Variants in PIAS1 observed in about 807,000 individuals in gnomAD.
The protein encoded by PIAS1 is E3 SUMO-protein ligase PIAS1.
In PIAS1, 6 loss-of-function variants were observed where a neutral mutation model predicts 71.3. That is an observed-to-expected ratio of 0.08 (90% CI 0.05 to 0.17). The LOEUF is 0.17. Ranked by LOEUF, PIAS1 falls within the 10% of genes least tolerant of loss-of-function variation. The pLI, the probability that PIAS1 is intolerant of heterozygous loss-of-function variation, is 1.00. For synonymous variants in PIAS1, 303 were observed against 292.9 expected (o/e 1.03, Z -0.35); for missense variants, 555 against 793.6 (o/e 0.70, Z 3.61).
At chr15:68,103,634 T>C (rs1358632046) in intron 2 of PIAS1, among the ~76,000 whole-genome samples, 3 of 152,180 alleles carry the variant, frequency 2.0e-5, no homozygotes, top group African/African-American at 7.2e-5. Flanking sequence ...TCCCATCCCC[T>C]GAAACTACTA....
At chr15:68,153,763 C>T (rs772891334) in intron 7 of PIAS1, 68 bp downstream of exon 7, 1 of 815,290 alleles carries the variant, frequency 1.2e-6, no homozygotes, top group East Asian at 2.5e-5. Flanking sequence ...ATTTTCTCAA[C>T]TCAAGAAATT....
At chr15:68,092,090 G>T (rs781379418) in intron 2 of PIAS1, among the ~76,000 whole-genome samples, 1 of 152,120 alleles carries the variant, frequency 6.6e-6, no homozygotes, top group Non-Finnish European at 1.5e-5. Flanking sequence ...ATCTGAATAA[G>T]TTCACATCAT....
intron 2 of PIAS1, among the ~76,000 whole-genome samples, chr15:68,138,814 C>T (rs1040803969): frequency 2.6e-5 from 4 of 152,068 alleles, no homozygotes; most frequent in Non-Finnish European, 5.9e-5. Flanking sequence ...ACCTGGGGTA[C>T]GTCTGGAGGA....
At chr15:68,102,810 A>G (rs2092439193) in intron 2 of PIAS1, among the ~76,000 whole-genome samples, 1 of 152,090 alleles carries the variant, frequency 6.6e-6, no homozygotes, top group African/African-American at 2.4e-5. Flanking sequence ...AAACAGGGAC[A>G]GTTTTTATTT....
In PIAS1 at chr15:68,145,812, T is replaced by TG; in HGVS notation, c.603-4_603-3insG. The TG allele has an allele frequency of 2.6e-6, 4 of 1,565,474 alleles. No individual in the cohort carries two copies. The highest frequency in any genetic ancestry group is 3.5e-6 in the Non-Finnish European group (4 of 1,136,236). ...GGAAATTAAACTTGTCCTTTATTGT[T>TG]TAGGTTTTGTTTATCAGAAACCAGT... On this transcript the variant is annotated splice_region_variant and splice_polypyrimidine_tract_variant and intron_variant, in intron 4 of 13. Transcript: ENST00000249636.
At chr15:68,169,285 C>T in intron 8 of PIAS1, among the ~76,000 whole-genome samples, 1 of 152,218 alleles carries the variant, frequency 6.6e-6, no homozygotes, top group South Asian at 2.1e-4. Flanking sequence ...TGTTTCTGAA[C>T]TAATGCAACA....
rs10667510 is a variant in PIAS1 at position 68,090,927 on chromosome 15, GGTGT to G, written c.469+4210_469+4213del. Among the ~76,000 whole-genome samples, 361 of 142,844 alleles carry G rather than the reference GGTGT, an allele frequency of 2.5e-3. 1 individual carries two copies. Among genetic ancestry groups the G allele is most frequent in the African/African-American group, 5.6e-3 (215 of 38,324 alleles). 93.7% of individuals were successfully genotyped at this position (142,844 alleles called of 152,430 possible). On this transcript the variant is annotated intron_variant, in intron 2 of 13. Coordinates refer to ENST00000249636, the MANE Select transcript of PIAS1 (RefSeq NM_016166.3). The stretch of plus-strand genomic sequence containing the variant: ...GTATTCTTTTTGTTAGTCATTTACG[GGTGT>G]GTGTGTGTGTGTGTGTGTGTGTGTG...
Position 68,134,506 on chromosome 15 carries a change from G to A in PIAS1, c.470-7440G>A, listed in dbSNP as rs1357006534. Among the ~76,000 whole-genome samples, 74 of 37,754 alleles carry A rather than the reference G, an allele frequency of 2.0e-3. 12 individuals carry two copies. Among genetic ancestry groups the A allele is most frequent in the African/African-American group, 4.0e-3 (73 of 18,084 alleles). 24.8% of individuals were successfully genotyped at this position (37,754 alleles called of 152,430 possible). On this transcript the variant is annotated intron_variant, in intron 2 of 13. Transcript: ENST00000249636. ...GGGCGGGGGGCTGACCCCCCCCACT[G>A]CCCTCCCGGACGGGGCGGCTGGCCG...
rs573071101 is a variant in PIAS1 at position 68,071,222 on chromosome 15, C to T, written c.25-15084C>T. Among the ~76,000 whole-genome samples, 531 of 139,886 alleles carry T rather than the reference C, an allele frequency of 3.8e-3. 2 individuals are homozygous for T. The highest frequency in any genetic ancestry group is 0.013 in the African/African-American group (492 of 37,922). The allele number at this position is 139,886 out of a possible 152,430, so 91.8% of individuals were successfully genotyped here. On this transcript the variant is annotated intron_variant, in intron 1 of 13. Transcript: ENST00000249636. ...TTCACCCCCGCCCCCCCGCCCCTACCTCCCTTCCCTCCATGGAGTGGCTAA... is the reference window on the plus strand; with the variant it reads ...TTCACCCCCGCCCCCCCGCCCCTACTTCCCTTCCCTCCATGGAGTGGCTAA...
intron 11 of PIAS1, among the ~76,000 whole-genome samples, chr15:68,180,017 G>T (rs1358001906): frequency 6.6e-6 from 1 of 152,104 alleles, no homozygotes; most frequent in African/African-American, 2.4e-5. Context: ...TCAGCCTCTT[G>T]TATTGTTGGG....
At position 68,193,233 on chromosome 15, in the gene PIAS1, T is replaced by C. The variant is rs2093128455; in HGVS notation, c.*5398T>C. 1 of 152,336 alleles carries C rather than the reference T, an allele frequency of 6.6e-6. No individual in the cohort carries two copies. Among genetic ancestry groups the C allele is most frequent in the Non-Finnish European group, 1.5e-5 (1 of 68,146 alleles). 9.4% of individuals were successfully genotyped at this position (152,336 alleles called of 1,614,324 possible). ...ATTCTCACAGCATTGGAAGCCCCCT[T>C]CTTGAGCTCTGCAAGGCCAGTCAAT... On this transcript the variant is annotated 3_prime_UTR_variant, in exon 14 of 14. Coordinates refer to ENST00000249636, the MANE Select transcript of PIAS1 (RefSeq NM_016166.3).
chr15:68,146,777 GTAA>G, intron 6 of PIAS1, 77 bp downstream of exon 6: 1 of 983,946 alleles, frequency 1.0e-6, no homozygotes, highest in Non-Finnish European at 1.5e-6. Context: ...GAATTTATAT[GTAA>G]ATTATGTAAA....
chr15:68,134,882 C>T (rs1181824271), intron 2 of PIAS1, among the ~76,000 whole-genome samples: 6 of 51,662 alleles, frequency 1.2e-4, no homozygotes, highest in East Asian at 9.7e-4. Flanking sequence ...GGCGGCTGGC[C>T]GGGCAGAGGG....
At chr15:68,099,674 G>A (rs568703910) in intron 2 of PIAS1, among the ~76,000 whole-genome samples, 2 of 151,160 alleles carry the variant, frequency 1.3e-5, no homozygotes, top group Admixed American at 6.6e-5. Flanking sequence ...GGGTTTTTGG[G>A]GGTTTTTTTT....
At chr15:68,107,042 CACTG>C (rs1171998398) in intron 2 of PIAS1, among the ~76,000 whole-genome samples, 1 of 152,124 alleles carries the variant, frequency 6.6e-6, no homozygotes, top group Non-Finnish European at 1.5e-5. Flanking sequence ...TACAAAGAAA[CACTG>C]ACCTAGAGAA....
intron 2 of PIAS1, among the ~76,000 whole-genome samples, chr15:68,117,429 T>C (rs1193352512): frequency 6.6e-6 from 1 of 152,192 alleles, no homozygotes; most frequent in Non-Finnish European, 1.5e-5. Flanking sequence ...TTGTTAACTC[T>C]AGTTATGCTA....
At position 68,173,640 on chromosome 15, in the gene PIAS1, C is replaced by A; in HGVS notation, c.1009-92C>A. 1.3e-6 allele frequency: 1 copy of A among 744,174 alleles called. No homozygotes were observed. The highest frequency in any genetic ancestry group is 2.1e-6 in the Non-Finnish European group (1 of 487,548). The allele number at this position is 744,174 out of a possible 1,614,324, so 46.1% of individuals were successfully genotyped here. A position where few individuals can be genotyped will look rare whatever the true frequency, so the allele number is the denominator to read the frequency against. ...GTCAACACTGTATGCTTTAAATCAGCATGCCTACCTGTTGTGTTCTAGGAA... is the reference window on the plus strand; with the variant it reads ...GTCAACACTGTATGCTTTAAATCAGAATGCCTACCTGTTGTGTTCTAGGAA... On this transcript the variant is annotated intron_variant, in intron 8 of 13. Transcript: ENST00000249636. The surrounding 1 kb of genome is among the most constrained non-coding windows in gnomAD (Gnocchi z 4.3).
chr15:68,153,698 A>G lies in PIAS1; in HGVS notation c.934+3A>G. On this transcript the variant is annotated splice_donor_region_variant and intron_variant, in intron 7 of 13. Transcript: ENST00000249636. ...TCCGGATCATTCTAGAGCTTTAAGTACGTATGATAAACTTATTTCACTTAT... is the reference window on the plus strand; with the variant it reads ...TCCGGATCATTCTAGAGCTTTAAGTGCGTATGATAAACTTATTTCACTTAT... 7.3e-7 allele frequency: 1 copy of G among 1,377,368 alleles called. No homozygotes were observed. Among genetic ancestry groups the G allele is most frequent in the Non-Finnish European group, 1.0e-6 (1 of 965,424 alleles). The allele number at this position is 1,377,368 out of a possible 1,614,324, so 85.3% of individuals were successfully genotyped here. A position where few individuals can be genotyped will look rare whatever the true frequency, so the allele number is the denominator to read the frequency against.
rs1381066505 is a variant in PIAS1, at chr15:68,191,473, C to G, written c.*3638C>G. On this transcript the variant is annotated 3_prime_UTR_variant, in exon 14 of 14. Transcript: ENST00000249636. ...GAAAAGCCTTCAGTTAATTTGTCTT[C>G]TGTAAAATAACACTGCTGGATGTTC... The G allele has an allele frequency of 6.6e-6, 1 of 152,630 alleles. No homozygotes were observed. The highest frequency in any genetic ancestry group is 1.5e-5 in the Non-Finnish European group (1 of 68,028). The allele number at this position is 152,630 out of a possible 1,614,324, so 9.5% of individuals were successfully genotyped here. A position where few individuals can be genotyped will look rare whatever the true frequency, so the allele number is the denominator to read the frequency against.
Sources: allele counts gnomAD v4.1 joint callset (sites outside exome capture counted in the v4.1 genomes callset), GRCh38; gene constraint gnomAD v4.1.1; non-coding constraint Gnocchi (gnomAD v3.1); transcripts MANE v1.5; gene names NCBI Gene and HGNC (gene_info 2026-07-23, HGNC 2026-07-21).